Variants in BNC2 observed in about 807,000 individuals in gnomAD.
BNC2 encodes basonuclin zinc finger protein 2.
Under a neutral mutation model 76.3 loss-of-function variants are expected in BNC2, and 20 were observed. The observed-to-expected ratio is 0.26, with a 90% CI of 0.18 to 0.38. The LOEUF (loss-of-function observed/expected upper bound fraction) is 0.38, where lower values mean the gene tolerates loss of function less well. Among genes scored for constraint, BNC2 ranks in the 10% least tolerant of loss-of-function variants. The pLI, the probability that BNC2 is intolerant of heterozygous loss-of-function variation, is 1.00. For missense variants in BNC2, 1,382 were observed against 1,399.8 expected, an observed-to-expected ratio of 0.99 and a Z score of 0.20; for synonymous variants, 582 against 514.8, an observed-to-expected ratio of 1.13 and a Z score of -1.77.
intron 3 of BNC2, among the ~76,000 whole-genome samples, chr9:16,678,267 CTTTTTTTTTTTTTTTT>C (rs140809930): frequency 1.1e-4 from 9 of 80,736 alleles, no homozygotes; most frequent in East Asian, 7.7e-4. Context: ...CTTTCTTTTT[CTTTTTTTTTTTTTTTT>C]TTTTTTTTTT....
intron 3 of BNC2, among the ~76,000 whole-genome samples, chr9:16,726,559 T>TAAAAA (rs35579154): frequency 1.9e-4 from 19 of 102,418 alleles, no homozygotes; most frequent in East Asian, 1.3e-3. Flanking sequence ...AAAAGCTTTT[T>TAAAAA]AAAAAAAAAA....
intron 5 of BNC2, among the ~76,000 whole-genome samples, chr9:16,476,400 C>G (rs1554647213): frequency 6.6e-6 from 1 of 152,128 alleles, no homozygotes; most frequent in Non-Finnish European, 1.5e-5. Context: ...CCAGTTCTTT[C>G]AGCAGGCCAT....
chr9:16,445,155 T>C (rs1259726064), intron 5 of BNC2, among the ~76,000 whole-genome samples: 1 of 152,210 alleles, frequency 6.6e-6, no homozygotes, highest in Non-Finnish European at 1.5e-5. Context: ...AGCAATGTTT[T>C]GATAATTTCT....
At chr9:16,767,965 ATTTT>A (rs764469661) in intron 1 of BNC2, among the ~76,000 whole-genome samples, 1 of 138,758 alleles carries the variant, frequency 7.2e-6, no homozygotes. Flanking sequence ...AGGTTATGCA[ATTTT>A]TTTTTTTTTT....
intron 1 of BNC2, among the ~76,000 whole-genome samples, chr9:16,763,152 T>C (rs980750904): frequency 2.6e-5 from 4 of 152,148 alleles, no homozygotes; most frequent in African/African-American, 7.2e-5. Context: ...AGAAAAAAGA[T>C]CCATTTAAAC....
chr9:16,836,262 G>A (rs1159286374), intron 1 of BNC2, among the ~76,000 whole-genome samples: 3 of 152,022 alleles, frequency 2.0e-5, no homozygotes, highest in African/African-American at 7.3e-5. Context: ...TTCTCATGGC[G>A]CTGCTTTCAA....
chr9:16,569,622 G>A (rs1319161888), intron 4 of BNC2, among the ~76,000 whole-genome samples: 1 of 152,144 alleles, frequency 6.6e-6, no homozygotes, highest in Non-Finnish European at 1.5e-5. Flanking sequence ...TCTCTCTCCT[G>A]GCTAGTAGAT....
At chr9:16,522,159 G>T (rs1371025456) in intron 5 of BNC2, among the ~76,000 whole-genome samples, 1 of 152,210 alleles carries the variant, frequency 6.6e-6, no homozygotes, top group African/African-American at 2.4e-5. Flanking sequence ...CCCTGAAAAG[G>T]GGGGCAGGAG....
intron 1 of BNC2, among the ~76,000 whole-genome samples, chr9:16,816,834 T>G (rs529066605): frequency 9.5e-4 from 145 of 152,304 alleles, no homozygotes; most frequent in African/African-American, 3.4e-3. Flanking sequence ...TATCCTATAA[T>G]TCAATCTAGT....
At chr9:16,533,923 T>G (rs1396304022) in intron 5 of BNC2, among the ~76,000 whole-genome samples, 3 of 152,136 alleles carry the variant, frequency 2.0e-5, no homozygotes, top group African/African-American at 4.8e-5. Flanking sequence ...AAGACAATCA[T>G]TCTTAGTAGT....
chr9:16,453,208 G>C (rs989665431), intron 5 of BNC2, among the ~76,000 whole-genome samples: 3 of 152,136 alleles, frequency 2.0e-5, no homozygotes, highest in Non-Finnish European at 4.4e-5. Flanking sequence ...ACCCAAATCA[G>C]GCTTGAGATA....
At chr9:16,556,842 A>C (rs2132609754) in intron 4 of BNC2, among the ~76,000 whole-genome samples, 1 of 152,220 alleles carries the variant, frequency 6.6e-6, no homozygotes, top group African/African-American at 2.4e-5. Flanking sequence ...TGATCTGTCA[A>C]ATTTCTTGAA....
chr9:16,839,820 T>C (rs1818786466), intron 1 of BNC2, among the ~76,000 whole-genome samples: 1 of 152,246 alleles, frequency 6.6e-6, no homozygotes, highest in Non-Finnish European at 1.5e-5. Context: ...TTTTTACAAA[T>C]GATTAGTCAA....
chr9:16,587,523 T>C (rs1819806749), intron 3 of BNC2, among the ~76,000 whole-genome samples: 1 of 152,196 alleles, frequency 6.6e-6, no homozygotes, highest in Non-Finnish European at 1.5e-5. Context: ...TCTTTTTTTC[T>C]AGACTATTTA....
chr9:16,816,728 C>T (rs1164497209), intron 1 of BNC2, among the ~76,000 whole-genome samples: 7 of 152,134 alleles, frequency 4.6e-5, no homozygotes, highest in African/African-American at 1.7e-4. Context: ...TGTGCTTTTT[C>T]TTTTTTCCTT....
At chr9:16,706,602 G>C (rs751266278) in intron 3 of BNC2, among the ~76,000 whole-genome samples, 10 of 152,144 alleles carry the variant, frequency 6.6e-5, no homozygotes, top group Non-Finnish European at 1.5e-4. Context: ...GTCTTCTTTA[G>C]AGTAATTTTT....
Position 16,708,897 on chromosome 9 carries a change from T to C in BNC2, c.330+18900A>G, listed in dbSNP as rs74991811. On this transcript the variant is annotated intron_variant, in intron 3 of 6. Coordinates refer to ENST00000380672, the MANE Select transcript of BNC2 (RefSeq NM_017637.6). ...ACAATGTGAGCCCTCACTGGGTAGATGTCAGGGGACTCAGAAAATGCATTC... is the reference window on the plus strand; with the variant it reads ...ACAATGTGAGCCCTCACTGGGTAGACGTCAGGGGACTCAGAAAATGCATTC... Among the ~76,000 whole-genome samples, 853 of 152,310 alleles carry C rather than the reference T, an allele frequency of 5.6e-3. 10 individuals carry two copies. Among genetic ancestry groups the C allele is most frequent in the African/African-American group, 0.018 (733 of 41,568 alleles).
At chr9:16,665,446 GAAA>G (rs59519788) in intron 3 of BNC2, among the ~76,000 whole-genome samples, 5 of 96,634 alleles carry the variant, frequency 5.2e-5, no homozygotes, top group South Asian at 4.4e-4. Context: ...AAGAAAGAAA[GAAA>G]GAAAGAAAGA....
intron 5 of BNC2, among the ~76,000 whole-genome samples, chr9:16,523,841 G>A (rs563353655): frequency 2.0e-5 from 3 of 152,146 alleles, no homozygotes; most frequent in East Asian, 3.9e-4. Context: ...CAGGAGAATC[G>A]CTTGAACCCA....
Sources: gnomAD v4.1 joint callset for allele counts (sites outside exome capture counted in the v4.1 genomes callset) on GRCh38, gnomAD v4.1.1 for gene constraint, MANE v1.5 for transcripts, NCBI Gene and HGNC (gene_info 2026-07-23, HGNC 2026-07-21) for gene names.